Variants in CES1 observed in about 807,000 individuals in gnomAD.
CES1 encodes the protein liver carboxylesterase 1.
A neutral mutation model predicts 53.0 loss-of-function variants in CES1; 50 were observed. The observed-to-expected ratio is 0.94, with a 90% CI of 0.75 to 1.19. The LOEUF is 1.19. Ranked by LOEUF, CES1 falls within the 50% of genes most tolerant of loss-of-function variation. The pLI, the probability that CES1 is intolerant of heterozygous loss-of-function variation, is 0.00. For missense variants in CES1, 534 were observed against 538.0 expected, an observed-to-expected ratio of 0.99 and a Z score of 0.07; for synonymous variants, 202 against 210.1, an observed-to-expected ratio of 0.96 and a Z score of 0.33.
rs116258771 is a variant in CES1, at chr16:55,833,025, G to C, written c.31C>G (p.Leu11Val). ...TCACCCCAAGCCGCGGAAGCAGAGA[G>C]AGTGGCCAGGATAAAGGCACGGAGC... Reference protein sequence around the residue: MWLRAFILATLSASAAWAGHP... With the variant: MWLRAFILATVSASAAWAGHP... Residue 11 changes from leucine to valine, a missense_variant, in exon 1 of 14, where the codon CTC becomes GTC. Leu to Val is a conservative substitution (Grantham distance 32). This residue lies in a region of CES1 where 164 missense variants were observed against 162.4 expected (regional missense o/e 1.01). Transcript: ENST00000360526. 1.3e-6 allele frequency: 2 copies of C among 1,555,614 alleles called. No homozygotes were observed. Among genetic ancestry groups the C allele is most frequent in the Admixed American group, 1.7e-5 (1 of 59,016 alleles).
rs774021663 is a variant in CES1 at position 55,828,719 on chromosome 16, T to C, written c.260+48A>G. 42 of 1,611,958 alleles carry C rather than the reference T, an allele frequency of 2.6e-5. No homozygotes were observed. The Admixed American group carries it at 4.7e-4, about 18-fold the overall frequency. Reference sequence around the variant, plus strand: ...TCAGGGGACTGCCTTGACTCCTTCCTGCATCACTTTGAGGTAAACATCCCC... The same window carrying C: ...TCAGGGGACTGCCTTGACTCCTTCCCGCATCACTTTGAGGTAAACATCCCC... On this transcript the variant is annotated intron_variant, in intron 2 of 13. Coordinates refer to ENST00000360526, the MANE Select transcript of CES1 (RefSeq NM_001025195.2).
At chr16:55,819,042 T>C (rs2032062520) in intron 7 of CES1, among the ~76,000 whole-genome samples, 1 of 152,254 alleles carries the variant, frequency 6.6e-6, no homozygotes, top group Non-Finnish European at 1.5e-5. Flanking sequence ...CAATCATAGA[T>C]AGACGGATTA....
At chr16:55,827,923 G>A (rs1332912395) in intron 2 of CES1, 2 of 152,176 alleles carry the variant, frequency 1.3e-5, no homozygotes, top group Non-Finnish European at 2.9e-5. Flanking sequence ...TCTCTGGGTG[G>A]TGGAATATTG....
intron 3 of CES1, among the ~76,000 whole-genome samples, chr16:55,824,110 A>T (rs1420078753): frequency 6.6e-5 from 10 of 152,198 alleles, no homozygotes; most frequent in Non-Finnish European, 1.5e-4. Context: ...TTGGTGAAGT[A>T]AACTTCTCTG....
chr16:55,827,010 G>A (rs563472461), intron 2 of CES1, among the ~76,000 whole-genome samples: 44 of 152,262 alleles, frequency 2.9e-4, no homozygotes, highest in South Asian at 2.1e-4. Context: ...TGAAGCCTAG[G>A]CAGGTTAGAG....
intron 7 of CES1, among the ~76,000 whole-genome samples, chr16:55,818,397 T>A (rs570757933): frequency 3.2e-4 from 49 of 152,326 alleles, no homozygotes; most frequent in African/African-American, 9.4e-4. Context: ...GTGACTAATT[T>A]GAACTGTGAC....
intron 11 of CES1, among the ~76,000 whole-genome samples, chr16:55,808,715 C>T (rs1471278098): frequency 1.3e-5 from 2 of 152,088 alleles, no homozygotes; most frequent in African/African-American, 4.8e-5. Flanking sequence ...TGTGAGTAGC[C>T]AGGCTAAACA....
intron 8 of CES1, among the ~76,000 whole-genome samples, chr16:55,815,534 T>G (rs1490395313): frequency 6.6e-6 from 1 of 152,186 alleles, no homozygotes; most frequent in Non-Finnish European, 1.5e-5. Context: ...GTGGCTGCCC[T>G]GTGTGGGCAC....
chr16:55,819,784 C>T (rs2032098323), intron 6 of CES1, 145 bp from the exon 7 acceptor site: 5 of 761,580 alleles, frequency 6.6e-6, no homozygotes, highest in Admixed American at 1.9e-5. Flanking sequence ...GTGTGGGTTC[C>T]AGGTCCCACG....
rs115629050 is a variant in CES1, at chr16:55,819,633, C to G, written c.808G>C (p.Ala270Pro). The G allele has an allele frequency of 6.8e-6, 11 of 1,612,408 alleles. No individual in the cohort carries two copies. The highest frequency in any genetic ancestry group is 1.1e-5 in the South Asian group (1 of 91,078). The change falls in exon 7 of 14, where the codon GCT becomes CCT. Residue 270 changes from alanine (A) to proline (P), a missense_variant. This residue lies in a region of CES1 where 269 missense variants were observed against 206.6 expected (regional missense o/e 1.30). Transcript: ENST00000360526. Reference sequence around the variant, plus strand: ...GTGGTTTTGCACCCAGCAGTGATAGCAATTTGCTGCAAAGATCACAGGCAA... The same window carrying G: ...GTGGTTTTGCACCCAGCAGTGATAGGAATTTGCTGCAAAGATCACAGGCAA... ...GDVKPLAEQI[A>P]ITAGCKTTTS...
At chr16:55,812,799 C>A (rs1597069162) in intron 9 of CES1, 104 bp downstream of exon 9, 1 of 1,506,528 alleles carries the variant, frequency 6.6e-7, no homozygotes, top group East Asian at 2.2e-5. Flanking sequence ...GAACAGCTGC[C>A]CAGGACTCAG....
At chr16:55,820,246 G>C (rs1280128966) in intron 6 of CES1, 126 bp downstream of exon 6, 1 of 673,408 alleles carries the variant, frequency 1.5e-6, no homozygotes, top group African/African-American at 1.8e-5. Flanking sequence ...CTCAGCCATT[G>C]GTGCCTCAGT....
chr16:55,812,317 G>A (rs1441392352), intron 9 of CES1: 2 of 166,406 alleles, frequency 1.2e-5, no homozygotes, highest in African/African-American at 4.8e-5. Flanking sequence ...GGAGTTTGCT[G>A]TATAGATTAT....
intron 6 of CES1, chr16:55,819,863 C>A (rs2032100772): frequency 1.6e-6 from 1 of 634,280 alleles, no homozygotes; most frequent in African/African-American, 1.8e-5. Context: ...TCTCTGCTAC[C>A]TTATCTCCAT....
At chr16:55,819,973 A>C in intron 6 of CES1, 1 of 543,996 alleles carries the variant, frequency 1.8e-6, no homozygotes, top group Non-Finnish European at 3.3e-6. Flanking sequence ...CTGCTTTCAA[A>C]TCCTGGTTGT....
At chr16:55,827,231 C>G (rs1857980291) in intron 2 of CES1, among the ~76,000 whole-genome samples, 1 of 150,884 alleles carries the variant, frequency 6.6e-6, no homozygotes. Context: ...CTTCTTGATT[C>G]CATCCTGGGA....
chr16:55,823,269 T>C (rs1294382877), intron 4 of CES1, among the ~76,000 whole-genome samples: 1 of 152,096 alleles, frequency 6.6e-6, no homozygotes, highest in Non-Finnish European at 1.5e-5. Context: ...GAGATGAGTC[T>C]TTCAGTGGAG....
chr16:55,813,191 G>A (rs1597070031), intron 8 of CES1, 148 bp from the exon 9 acceptor site: 4 of 1,107,302 alleles, frequency 3.6e-6, no homozygotes, highest in South Asian at 1.3e-5. Context: ...ACTTAGGGGG[G>A]TAGGTCTCCA....
chr16:55,816,569 A>G (rs2031954127), intron 8 of CES1, among the ~76,000 whole-genome samples: 1 of 152,204 alleles, frequency 6.6e-6, no homozygotes, highest in Non-Finnish European at 1.5e-5. Context: ...CTCCTTGGCT[A>G]ATCATCGCTG....
Sources: gnomAD v4.1 joint callset for allele counts (sites outside exome capture counted in the v4.1 genomes callset) on GRCh38, gnomAD v4.1.1 for gene constraint, gnomAD v4.1.1 regional missense constraint, MANE v1.5 for transcripts, NCBI Gene and HGNC (gene_info 2026-07-23, HGNC 2026-07-21) for gene names.